PIK3C2B: variants seen among roughly 807,000 people sequenced by gnomAD.
PIK3C2B encodes the protein phosphatidylinositol-4-phosphate 3-kinase catalytic subunit type 2 beta, also known as phosphatidylinositol 4-phosphate 3-kinase C2 domain-containing subunit beta.
Under a neutral mutation model 184.3 loss-of-function variants are expected in PIK3C2B, and 83 were observed. That is an observed-to-expected ratio of 0.45 (90% confidence interval 0.38 to 0.54). The LOEUF is 0.54. PIK3C2B is among the 20% of genes least tolerant of loss of function. The pLI is 0.00. For synonymous variants in PIK3C2B, 779 were observed against 837.6 expected, an observed-to-expected ratio of 0.93 and a Z score of 1.21; for missense variants, 1,736 against 2,113.5, an observed-to-expected ratio of 0.82 and a Z score of 3.50.
chr1:204,458,732 G>A (rs1456180042), intron 8 of PIK3C2B, among the ~76,000 whole-genome samples: 5 of 151,962 alleles, frequency 3.3e-5, no homozygotes, highest in Non-Finnish European at 4.4e-5. Flanking sequence ...GACCTCAGGT[G>A]ACCCGCCCAC....
chr1:204,489,576 C>A (rs1034259792), intron 1 of PIK3C2B, among the ~76,000 whole-genome samples: 18 of 152,122 alleles, frequency 1.2e-4, no homozygotes, highest in Admixed American at 5.9e-4. Context: ...CCAAAACAAC[C>A]CATTTGCAAA....
chr1:204,474,057 T>G (rs2103521842), intron 1 of PIK3C2B, among the ~76,000 whole-genome samples: 1 of 146,802 alleles, frequency 6.8e-6, no homozygotes, highest in South Asian at 2.2e-4. Context: ...AATGGCGCGA[T>G]CTCGGCTCAC....
intron 30 of PIK3C2B, 31 bp downstream of exon 30, chr1:204,428,108 T>C: frequency 7.5e-7 from 1 of 1,327,720 alleles, no homozygotes; most frequent in South Asian, 1.2e-5. Context: ...TCAGAGGAGT[T>C]GGCAGTAAGG....
intron 21 of PIK3C2B, 51 bp downstream of exon 21, chr1:204,441,420 C>T (rs1675654480): frequency 1.6e-6 from 2 of 1,234,954 alleles, no homozygotes; most frequent in Non-Finnish European, 2.4e-6. Context: ...TCTAGGCTGC[C>T]TCCTTCTCTC....
Position 204,424,777 on chromosome 1 carries a change from G to A in PIK3C2B, c.*75C>T. The A allele has an allele frequency of 6.9e-7, 1 of 1,453,776 alleles. No individual in the cohort carries two copies. The highest frequency in any genetic ancestry group is 2.3e-5 in the East Asian group (1 of 44,224). The allele number at this position is 1,453,776 out of a possible 1,614,324, so 90.1% of individuals were successfully genotyped here. On this transcript the variant is annotated 3_prime_UTR_variant, in exon 33 of 33. Transcript: ENST00000684373. ...CAGGGCCCTGGCCCTTCACAAGGAG[G>A]AGTCTCACAGGGGAGAGTCCTCTCC...
At chr1:204,467,455 C>T (rs1332423564) in intron 2 of PIK3C2B, 2 of 154,146 alleles carry the variant, frequency 1.3e-5, no homozygotes, top group Non-Finnish European at 2.9e-5. Flanking sequence ...AAAGGCTAGA[C>T]ACAAGGTGGG....
At chr1:204,445,859 C>T in intron 16 of PIK3C2B, 97 bp downstream of exon 16, 1 of 756,694 alleles carries the variant, frequency 1.3e-6, no homozygotes, top group Non-Finnish European at 2.0e-6. Flanking sequence ...CCCACTTTAC[C>T]ATTTTCCCCA....
rs61763419 is a variant in PIK3C2B, at chr1:204,442,767, A to C, written c.3049-134T>G. Reference sequence around the variant, plus strand: ...CCTGAGAAGTGTGGACACCCTCCAGAAGATCCTTAAGGAGGAGGACCCCCT... The same window carrying C: ...CCTGAGAAGTGTGGACACCCTCCAGCAGATCCTTAAGGAGGAGGACCCCCT... On this transcript the variant is annotated intron_variant, in intron 19 of 32. Coordinates refer to ENST00000684373, the MANE Select transcript of PIK3C2B (RefSeq NM_001377334.1). The C allele has an allele frequency of 3.4e-3, 2,106 of 617,916 alleles. 30 individuals carry two copies. The highest frequency in any genetic ancestry group is 0.033 in the African/African-American group (1,823 of 54,686). 38.3% of individuals were successfully genotyped at this position (617,916 alleles called of 1,614,324 possible). A position where few individuals can be genotyped will look rare whatever the true frequency, so the allele number is the denominator to read the frequency against.
At position 204,446,134 on chromosome 1, in the gene PIK3C2B, C is replaced by A; in HGVS notation, c.2500G>T (p.Ala834Ser). The change falls in exon 16 of 33, where the codon GCT becomes TCT. Residue 834 changes from alanine to serine, a missense_variant. By Grantham distance (99) the Ala-to-Ser change is moderately conservative (BLOSUM62 1). Coordinates refer to ENST00000684373, the MANE Select transcript of PIK3C2B (RefSeq NM_001377334.1). ...TTCTCCCACAGGCGCTTCTTGTCAG[C>A]ATCAGTGAGCCTGGTGGGCACACGG... is the stretch of plus-strand genomic sequence containing the variant. ...QKESLYWLTD[A>S]DKKRLWEKRY... 6.4e-7 allele frequency: 1 copy of A among 1,556,826 alleles called. No homozygotes were observed. The highest frequency in any genetic ancestry group is 8.7e-7 in the Non-Finnish European group (1 of 1,145,450).
intron 12 of PIK3C2B, 168 bp downstream of exon 12, chr1:204,454,501 G>T: frequency 2.0e-4 from 83 of 419,352 alleles, no homozygotes; most frequent in Non-Finnish European, 2.8e-4. Flanking sequence ...AAAAAAAAAA[G>T]AGTCAGGGAA....
At chr1:204,478,389 C>G (rs545350686) in intron 1 of PIK3C2B, among the ~76,000 whole-genome samples, 1 of 152,124 alleles carries the variant, frequency 6.6e-6, no homozygotes, top group Non-Finnish European at 1.5e-5. Context: ...GCCAGGAATC[C>G]GACTCCTACA....
At chr1:204,482,094 T>G (rs1216731979) in intron 1 of PIK3C2B, among the ~76,000 whole-genome samples, 1 of 136,910 alleles carries the variant, frequency 7.3e-6, no homozygotes, top group Non-Finnish European at 1.5e-5. Context: ...CAGGGAGGAA[T>G]GAGCCATGAA....
At position 204,467,406 on chromosome 1, in the gene PIK3C2B, G is replaced by A. The variant is rs180681282; in HGVS notation, c.933+1464C>T. ...GACTCTCTTAGGAGAAGCGGAGGAA[G>A]GAAGAACTGTGTAGCTCTTCAGAGT... On this transcript the variant is annotated intron_variant, in intron 2 of 32. Coordinates refer to ENST00000684373, the MANE Select transcript of PIK3C2B (RefSeq NM_001377334.1). 85 of 158,190 alleles carry A rather than the reference G, an allele frequency of 5.4e-4. 1 individual carries two copies. Among genetic ancestry groups the A allele is most frequent in the Middle Eastern group, 6.6e-3 (2 of 304 alleles). 9.8% of individuals were successfully genotyped at this position (158,190 alleles called of 1,614,324 possible).
chr1:204,469,332 A>T lies in PIK3C2B; in HGVS notation c.471T>A (p.Pro157=). ...IEGSCKKLSP[P]PLPPRASIWD... is the part of the protein sequence containing the mutation. Reference sequence around the variant, plus strand: ...AGATAGAAGCTCGGGGAGGCAGAGGAGGTGGGGATAGTTTCTTGCAAGAGC... The same window carrying T: ...AGATAGAAGCTCGGGGAGGCAGAGGTGGTGGGGATAGTTTCTTGCAAGAGC... The change falls in exon 2 of 33, where the codon CCT becomes CCA. Residue 157 remains proline, a synonymous_variant. Transcript: ENST00000684373. The T allele has an allele frequency of 6.5e-7, 1 of 1,529,148 alleles. No individual in the cohort carries two copies. The highest frequency in any genetic ancestry group is 8.8e-7 in the Non-Finnish European group (1 of 1,140,644). 94.7% of individuals were successfully genotyped at this position (1,529,148 alleles called of 1,614,324 possible).
At chr1:204,487,129 A>C (rs919084946) in intron 1 of PIK3C2B, among the ~76,000 whole-genome samples, 2 of 151,934 alleles carry the variant, frequency 1.3e-5, no homozygotes, top group Non-Finnish European at 2.9e-5. Flanking sequence ...TTAAAGAGAC[A>C]GGGTTTCACT....
chr1:204,432,082 G>T, intron 27 of PIK3C2B, 118 bp downstream of exon 27: 1 of 931,980 alleles, frequency 1.1e-6, no homozygotes, highest in Non-Finnish European at 1.7e-6. Flanking sequence ...ACTGCTCCCA[G>T]CACAGGACGC....
rs755075793 is a variant in PIK3C2B at position 204,467,219 on chromosome 1, G to A, written c.933+1651C>T. On this transcript the variant is annotated intron_variant, in intron 2 of 32. Coordinates refer to ENST00000684373, the MANE Select transcript of PIK3C2B (RefSeq NM_001377334.1). ...CCACCTACCAGGGTGCCCTGACTCA[G>A]TGAGCAGGCCCAGCTGGGTGTGAGG... 42 of 288,786 alleles carry A rather than the reference G, an allele frequency of 1.5e-4. 1 individual carries two copies. Among genetic ancestry groups the A allele is most frequent in the Non-Finnish European group, 2.7e-4 (40 of 146,940 alleles). 17.9% of individuals were successfully genotyped at this position (288,786 alleles called of 1,614,324 possible).
At position 204,433,090 on chromosome 1, in the gene PIK3C2B, G is replaced by A. The variant is rs1269827326; in HGVS notation, c.3953+226C>T. On this transcript the variant is annotated intron_variant, in intron 26 of 32. Coordinates refer to ENST00000684373, the MANE Select transcript of PIK3C2B (RefSeq NM_001377334.1). The surrounding 1 kb of genome is among the most constrained non-coding windows in gnomAD (Gnocchi z 5.0). ...ATAAGAGTGATGGCAATACCCTTGT[G>A]TGCAAAGGTTAGCACCAAAACACAG... is the stretch of plus-strand genomic sequence containing the variant. Among the ~76,000 whole-genome samples the A allele has an allele frequency of 1.1e-4, 17 of 152,234 alleles. No individual in the cohort carries two copies. The highest frequency in any genetic ancestry group is 1.1e-3 in the Admixed American group (17 of 15,288).
intron 1 of PIK3C2B, among the ~76,000 whole-genome samples, chr1:204,478,653 T>C (rs113989703): frequency 2.6e-5 from 4 of 152,362 alleles, no homozygotes; most frequent in African/African-American, 7.2e-5. Flanking sequence ...TTCCCACTTA[T>C]ACATCCCCTC....
Sources: allele counts gnomAD v4.1 joint callset (sites outside exome capture counted in the v4.1 genomes callset), GRCh38; gene constraint gnomAD v4.1.1; non-coding constraint Gnocchi (gnomAD v3.1); transcripts MANE v1.5; gene names NCBI Gene and HGNC (gene_info 2026-07-23, HGNC 2026-07-21).